Variants in RIMS2 observed in about 807,000 individuals in gnomAD.
RIMS2 encodes regulating synaptic membrane exocytosis protein 2.
A neutral mutation model predicts 174.4 loss-of-function variants in RIMS2; 59 were observed. The ratio of observed to expected loss-of-function variants is 0.34; its 90% CI spans 0.27 to 0.42. The LOEUF is 0.42. RIMS2 is among the 10% of genes least tolerant of loss of function. The pLI is 1.00. For synonymous variants in RIMS2, 606 were observed against 572.5 expected (o/e 1.06, Z -0.84); for missense variants, 1,620 against 1,666.3 (o/e 0.97, Z 0.48).
intron 1 of RIMS2, among the ~76,000 whole-genome samples, chr8:103,680,285 C>T (rs1428912565): frequency 1.3e-5 from 2 of 151,846 alleles, no homozygotes; most frequent in African/African-American, 4.8e-5. Flanking sequence ...GAAGAAAGGA[C>T]GAACTAGCTA....
At chr8:104,235,130 C>T (rs930973842) in intron 19 of RIMS2, among the ~76,000 whole-genome samples, 9 of 151,940 alleles carry the variant, frequency 5.9e-5, no homozygotes, top group Admixed American at 5.3e-4. Flanking sequence ...GAACAAAAAA[C>T]GTGAATGATC....
At chr8:103,995,123 T>C (rs1236504644) in intron 17 of RIMS2, among the ~76,000 whole-genome samples, 1 of 152,102 alleles carries the variant, frequency 6.6e-6, no homozygotes, top group Non-Finnish European at 1.5e-5. Context: ...ATCTTCTGTT[T>C]ATGTTTCTAG....
intron 19 of RIMS2, among the ~76,000 whole-genome samples, chr8:104,186,457 CT>C (rs2098968450): frequency 6.6e-6 from 1 of 151,640 alleles, no homozygotes; most frequent in African/African-American, 2.4e-5. Flanking sequence ...TAAATATTTT[CT>C]TAGCTAAAAT....
chr8:103,949,030 G>C (rs1174152994), intron 14 of RIMS2, among the ~76,000 whole-genome samples: 2 of 150,298 alleles, frequency 1.3e-5, no homozygotes, highest in Admixed American at 6.7e-5. Context: ...GAGAGGATGA[G>C]GTGGTAAGAT....
chr8:104,063,767 G>A (rs1464764925), intron 19 of RIMS2, among the ~76,000 whole-genome samples: 5 of 152,062 alleles, frequency 3.3e-5, no homozygotes, highest in Non-Finnish European at 5.9e-5. Context: ...TATTCTGGTC[G>A]CTGTTCAGCT....
rs547496068 is a variant in RIMS2, at chr8:104,165,030, A to T, written c.3335-79886A>T. Among the ~76,000 whole-genome samples, 3 of 152,322 alleles carry T rather than the reference A, an allele frequency of 2.0e-5. No individual in the cohort carries two copies. In the East Asian group the frequency reaches 5.8e-4, roughly 29 times the overall value. On this transcript the variant is annotated intron_variant, in intron 19 of 23. Coordinates refer to ENST00000504942, the Ensembl canonical transcript of RIMS2. Reference sequence around the variant, plus strand: ...CATATGACTATATGTTTGAAAGTTCACTTCTTATTTTTAACCGAAATGGTA... The same window carrying T: ...CATATGACTATATGTTTGAAAGTTCTCTTCTTATTTTTAACCGAAATGGTA...
Position 103,758,508 on chromosome 8 carries a change from T to A in RIMS2, c.388-7719T>A, listed in dbSNP as rs921265694. Among the ~76,000 whole-genome samples the A allele has an allele frequency of 7.2e-5, 11 of 152,188 alleles. No homozygotes were observed. The South Asian group carries it at 1.0e-3, about 14-fold the overall frequency. On this transcript the variant is annotated intron_variant, in intron 2 of 23. Coordinates refer to ENST00000504942, the Ensembl canonical transcript of RIMS2. ...CACAGCATTTTTTTCAGCTTTTTTT[T>A]ATTAATGAAGACGTGAACATGAATT... is the stretch of plus-strand genomic sequence containing the variant.
intron 17 of RIMS2, among the ~76,000 whole-genome samples, chr8:104,004,722 G>C (rs2095512178): frequency 6.6e-6 from 1 of 152,122 alleles, no homozygotes; most frequent in African/African-American, 2.4e-5. Flanking sequence ...AAAAAAGACA[G>C]AATGATTGGA....
chr8:104,108,272 C>G (rs969999527), intron 19 of RIMS2, among the ~76,000 whole-genome samples: 1 of 151,824 alleles, frequency 6.6e-6, no homozygotes, highest in African/African-American at 2.4e-5. Context: ...CTTGTTTTAT[C>G]ATCCAGGCTG....
At chr8:104,187,914 T>A (rs944224685) in intron 19 of RIMS2, among the ~76,000 whole-genome samples, 2 of 151,670 alleles carry the variant, frequency 1.3e-5, no homozygotes, top group Non-Finnish European at 3.0e-5. Context: ...AAGAGTTTTT[T>A]TAAAACTTCT....
chr8:103,533,341 G>T (rs1300011847), intron 1 of RIMS2, among the ~76,000 whole-genome samples: 1 of 152,182 alleles, frequency 6.6e-6, no homozygotes, highest in Non-Finnish European at 1.5e-5. Flanking sequence ...TGATTTTTGA[G>T]TGGTTTTCCT....
At chr8:103,702,852 G>GTT (rs59947900) in intron 2 of RIMS2, among the ~76,000 whole-genome samples, 191 of 117,232 alleles carry the variant, frequency 1.6e-3, no homozygotes, top group East Asian at 2.0e-3. Context: ...TCCTCCAGCT[G>GTT]TTTTTTTTTT....
chr8:103,956,639 A>G (rs750523379), intron 14 of RIMS2, among the ~76,000 whole-genome samples: 38 of 152,232 alleles, frequency 2.5e-4, no homozygotes, highest in Non-Finnish European at 4.1e-4. Flanking sequence ...ACCTAAAACC[A>G]TAAAAACCCT....
intron 19 of RIMS2, among the ~76,000 whole-genome samples, chr8:104,015,671 T>C (rs1248470223): frequency 6.6e-6 from 1 of 152,106 alleles, no homozygotes; most frequent in Non-Finnish European, 1.5e-5. Context: ...CAAATAAGAA[T>C]GCAAAGAGTT....
At chr8:103,993,887 T>A (rs2094892615) in intron 17 of RIMS2, among the ~76,000 whole-genome samples, 1 of 151,434 alleles carries the variant, frequency 6.6e-6, no homozygotes, top group Admixed American at 6.6e-5. Context: ...AAATAAAAAA[T>A]AAATAAAATT....
chr8:103,732,271 G>T (rs146822368), intron 2 of RIMS2, among the ~76,000 whole-genome samples: 1 of 152,304 alleles, frequency 6.6e-6, no homozygotes, highest in Non-Finnish European at 1.5e-5. Flanking sequence ...AGAGACTCTT[G>T]TCTTCCCTTC....
intron 19 of RIMS2, among the ~76,000 whole-genome samples, chr8:104,181,894 G>A (rs1354229014): frequency 6.6e-6 from 1 of 151,564 alleles, no homozygotes. Context: ...AGTTAATGAT[G>A]CATTTTTTAC....
At chr8:103,751,767 G>A (rs201603037) in intron 2 of RIMS2, among the ~76,000 whole-genome samples, 4 of 150,640 alleles carry the variant, frequency 2.7e-5, no homozygotes, top group South Asian at 2.1e-4. Context: ...GTCTGTTCAT[G>A]TCCTTCGCCC....
intron 19 of RIMS2, among the ~76,000 whole-genome samples, chr8:104,188,999 A>G (rs2098983672): frequency 6.6e-6 from 1 of 151,962 alleles, no homozygotes; most frequent in East Asian, 1.9e-4. Context: ...CCATAGCTTT[A>G]ATTGCTCTTC....
Sources: gnomAD v4.1 joint callset for allele counts (sites outside exome capture counted in the v4.1 genomes callset) on GRCh38, gnomAD v4.1.1 for gene constraint, MANE v1.5 for transcripts, NCBI Gene and HGNC (gene_info 2026-07-23, HGNC 2026-07-21) for gene names.